OPCML: variants seen among roughly 807,000 people sequenced by gnomAD.
The protein encoded by OPCML is opioid-binding protein/cell adhesion molecule.
A neutral mutation model predicts 37.8 loss-of-function variants in OPCML; 13 were observed. That is an observed-to-expected ratio of 0.34 (90% CI 0.22 to 0.55). The LOEUF (loss-of-function observed/expected upper bound fraction) is 0.55. Ranked by LOEUF, OPCML falls within the 20% of genes least tolerant of loss-of-function variation. OPCML has a pLI of 0.91. For synonymous variants in OPCML, 176 were observed against 168.8 expected (o/e 1.04, Z -0.33); for missense variants, 341 against 435.6 (o/e 0.78, Z 1.93).
intron 2 of OPCML, among the ~76,000 whole-genome samples, chr11:132,918,020 A>G (rs56230345): frequency 0.024 from 3,683 of 152,232 alleles, 128 homozygotes; most frequent in African/African-American, 0.084. Context: ...TTGTTTTAAT[A>G]TGTTTTCCTA....
At chr11:132,446,103 C>CTT (rs58784534) in intron 4 of OPCML, among the ~76,000 whole-genome samples, 2,978 of 48,476 alleles carry the variant, frequency 0.061, 808 homozygotes, top group African/African-American at 0.16. Flanking sequence ...CTGCTTGTGT[C>CTT]TTTTTTTTTT....
intron 4 of OPCML, among the ~76,000 whole-genome samples, chr11:132,491,147 C>T (rs2096214483): frequency 6.6e-6 from 1 of 152,240 alleles, no homozygotes; most frequent in African/African-American, 2.4e-5. Context: ...AGAATGACCT[C>T]AGCAACTCCT....
chr11:133,518,417 G>T (rs1948330275), intron 1 of OPCML, among the ~76,000 whole-genome samples: 1 of 151,992 alleles, frequency 6.6e-6, no homozygotes, highest in Non-Finnish European at 1.5e-5. Context: ...GGATGTGCAT[G>T]GATGGGTTTG....
chr11:132,752,779 T>C (rs1945880557), intron 2 of OPCML, among the ~76,000 whole-genome samples: 1 of 152,068 alleles, frequency 6.6e-6, no homozygotes, highest in South Asian at 2.1e-4. Flanking sequence ...TGGGAGAAGA[T>C]AGATTGAAGG....
At chr11:132,749,053 G>A (rs545547359) in intron 2 of OPCML, among the ~76,000 whole-genome samples, 31 of 152,254 alleles carry the variant, frequency 2.0e-4, no homozygotes, top group Admixed American at 9.8e-4. Context: ...GGGTTGCTTT[G>A]AGAAGTGATC....
intron 1 of OPCML, among the ~76,000 whole-genome samples, chr11:133,473,351 A>G (rs966390069): frequency 6.6e-6 from 1 of 152,192 alleles, no homozygotes; most frequent in African/African-American, 2.4e-5. Context: ...CTCCTGCAGC[A>G]TCGAAATTCC....
intron 1 of OPCML, among the ~76,000 whole-genome samples, chr11:133,013,811 G>T (rs555615622): frequency 6.6e-6 from 1 of 152,282 alleles, no homozygotes; most frequent in African/African-American, 2.4e-5. Flanking sequence ...GAAGCACAGT[G>T]CTATAATCAA....
intron 2 of OPCML, among the ~76,000 whole-genome samples, chr11:132,762,781 A>G (rs1946309266): frequency 6.6e-6 from 1 of 151,902 alleles, no homozygotes; most frequent in Non-Finnish European, 1.5e-5. Flanking sequence ...GAGCAAGCCC[A>G]CTCGGCTCCC....
chr11:132,504,978 C>T (rs756975974), intron 4 of OPCML, among the ~76,000 whole-genome samples: 1 of 151,944 alleles, frequency 6.6e-6, no homozygotes, highest in East Asian at 1.9e-4. Flanking sequence ...GCCCCCCAAG[C>T]CCTAAATTAT....
intron 4 of OPCML, among the ~76,000 whole-genome samples, chr11:132,475,774 T>C (rs1398251739): frequency 6.6e-6 from 1 of 152,172 alleles, no homozygotes; most frequent in Non-Finnish European, 1.5e-5. Context: ...ATAATACACC[T>C]CCTTTCAGCA....
At chr11:132,849,059 T>C (rs954698361) in intron 2 of OPCML, among the ~76,000 whole-genome samples, 1 of 152,182 alleles carries the variant, frequency 6.6e-6, no homozygotes, top group African/African-American at 2.4e-5. Flanking sequence ...CAGAAGGAAA[T>C]AGGATCAGAA....
intron 2 of OPCML, among the ~76,000 whole-genome samples, chr11:132,683,677 G>T (rs77849229): frequency 4.9e-4 from 74 of 152,300 alleles, no homozygotes; most frequent in African/African-American, 1.7e-3. Context: ...CTACAGCCCA[G>T]TATTTCCAAT....
At chr11:133,009,113 T>C in intron 1 of OPCML, 1 of 985,390 alleles carries the variant, frequency 1.0e-6, no homozygotes, top group Non-Finnish European at 1.2e-6. Context: ...CATTCTTTAA[T>C]TCTATTTAAC....
At chr11:133,368,074 G>T (rs1158700751) in intron 1 of OPCML, among the ~76,000 whole-genome samples, 1 of 152,170 alleles carries the variant, frequency 6.6e-6, no homozygotes, top group African/African-American at 2.4e-5. Flanking sequence ...CCCTGCCAGG[G>T]CTGGTTATTA....
chr11:133,076,357 G>A (rs1948620771), intron 1 of OPCML, among the ~76,000 whole-genome samples: 1 of 152,148 alleles, frequency 6.6e-6, no homozygotes, highest in Non-Finnish European at 1.5e-5. Flanking sequence ...TGTCTGGGAT[G>A]AATTGTTGGC....
chr11:133,454,782 T>A (rs1946643911), intron 1 of OPCML, among the ~76,000 whole-genome samples: 1 of 152,208 alleles, frequency 6.6e-6, no homozygotes, highest in Admixed American at 6.5e-5. Flanking sequence ...AACATTCATT[T>A]ATCTTTACTG....
At chr11:132,503,924 T>C (rs2096250930) in intron 4 of OPCML, among the ~76,000 whole-genome samples, 1 of 152,198 alleles carries the variant, frequency 6.6e-6, no homozygotes, top group Non-Finnish European at 1.5e-5. Context: ...GTGGTAGCTA[T>C]CTCTTAGAGT....
At chr11:132,776,379 G>A (rs1401898312) in intron 2 of OPCML, among the ~76,000 whole-genome samples, 1 of 152,158 alleles carries the variant, frequency 6.6e-6, no homozygotes, top group African/African-American at 2.4e-5. Context: ...CTGTGATATG[G>A]TTTGGATGTT....
At chr11:132,512,868 A>C (rs983180207) in intron 4 of OPCML, among the ~76,000 whole-genome samples, 1 of 152,112 alleles carries the variant, frequency 6.6e-6, no homozygotes, top group South Asian at 2.1e-4. Context: ...GAAACAGGGA[A>C]GCTTTTGAGG....
Sources: gnomAD v4.1 joint callset for allele counts (sites outside exome capture counted in the v4.1 genomes callset) on GRCh38, gnomAD v4.1.1 for gene constraint, MANE v1.5 for transcripts, NCBI Gene and HGNC (gene_info 2026-07-23, HGNC 2026-07-21) for gene names.